The following PLEKHA7 variants were observed in gnomAD, a reference collection of about 807,000 sequenced individuals.
PLEKHA7 encodes pleckstrin homology domain-containing family A member 7.
In PLEKHA7, 104 loss-of-function variants were observed where a neutral mutation model predicts 170.0. That is an observed-to-expected ratio of 0.61 (90% CI 0.52 to 0.72). PLEKHA7 has a LOEUF of 0.72. PLEKHA7 is among the 30% of genes least tolerant of loss of function. The probability of loss-of-function intolerance (pLI) is 0.00; values close to 1 mark genes in which losing one functional copy is unlikely to be tolerated. For synonymous variants in PLEKHA7, 648 were observed against 660.8 expected (o/e 0.98, Z 0.30); for missense variants, 1,615 against 1,671.7 (o/e 0.97, Z 0.59).
intron 3 of PLEKHA7, among the ~76,000 whole-genome samples, chr11:16,935,515 G>A (rs1444330141): frequency 6.6e-6 from 1 of 152,210 alleles, no homozygotes; most frequent in East Asian, 1.9e-4. Flanking sequence ...CCTTTTAAAG[G>A]TAGAAACATG....
At chr11:16,813,201 T>C (rs768479058) in intron 12 of PLEKHA7, 35 bp from the exon 13 acceptor site, 1 of 1,585,768 alleles carries the variant, frequency 6.3e-7, no homozygotes, top group Non-Finnish European at 8.7e-7. Context: ...AACACAGTTA[T>C]GAACACCAAG....
chr11:16,879,288 T>C (rs7102357), intron 3 of PLEKHA7, among the ~76,000 whole-genome samples: 7,873 of 152,232 alleles, frequency 0.052, 657 homozygotes, highest in African/African-American at 0.18. Flanking sequence ...ACTTATCTCC[T>C]ACAGCAAAGA....
At chr11:16,795,851 CT>C (rs1179377641) in intron 17 of PLEKHA7, among the ~76,000 whole-genome samples, 2,399 of 92,944 alleles carry the variant, frequency 0.026, 7 homozygotes, top group African/African-American at 0.047. Context: ...CAGTTTTTTC[CT>C]TTTTTTTTTT....
intron 4 of PLEKHA7, among the ~76,000 whole-genome samples, chr11:16,864,500 G>A (rs1854226129): frequency 6.6e-6 from 1 of 152,130 alleles, no homozygotes; most frequent in South Asian, 2.1e-4. Flanking sequence ...ATACAGTTTG[G>A]CTGTGTTCCC....
At chr11:16,998,654 G>A (rs918743935) in intron 3 of PLEKHA7, among the ~76,000 whole-genome samples, 9 of 150,628 alleles carry the variant, frequency 6.0e-5, no homozygotes, top group Admixed American at 3.3e-4. Flanking sequence ...AGCAAAAACC[G>A]ACTGAGCTCT....
Position 16,816,847 on chromosome 11 carries a change from T to C in PLEKHA7, c.1819A>G (p.Ile607Val), listed in dbSNP as rs111370157. Residue 607 changes from isoleucine to valine, a missense_variant, in exon 11 of 27, where the codon ATC (isoleucine) becomes GTC (valine). Coordinates refer to ENST00000531066, the MANE Select transcript of PLEKHA7 (RefSeq NM_001329630.2). Reference protein sequence around the residue: ...KPPDQRRSVDISLGDSPRRAR... With the variant: ...KPPDQRRSVDVSLGDSPRRAR... ...CTCCTTGGAGAATCCCCCAGCGAGA[T>C]GTCCACACTCCTCCTCTGGTCCGGT... The C allele has an allele frequency of 8.1e-6, 13 of 1,614,044 alleles. No homozygotes were observed. The African/African-American group carries it at 1.2e-4, about 15-fold the overall frequency.
At chr11:16,848,229 A>G (rs766231251) in intron 8 of PLEKHA7, among the ~76,000 whole-genome samples, 8 of 152,230 alleles carry the variant, frequency 5.3e-5, no homozygotes, top group African/African-American at 7.2e-5. Context: ...CAAACTTGAG[A>G]ATATAAGCCC....
chr11:16,803,578 T>C (rs7926879), intron 13 of PLEKHA7: 16 of 392,824 alleles, frequency 4.1e-5, no homozygotes, highest in African/African-American at 2.9e-4. Context: ...TTTAAAAGTA[T>C]ATATTTGCCT....
At chr11:16,925,565 G>T (rs888822502) in intron 3 of PLEKHA7, among the ~76,000 whole-genome samples, 3 of 152,156 alleles carry the variant, frequency 2.0e-5, no homozygotes, top group African/African-American at 7.2e-5. Flanking sequence ...GACCCCCAGC[G>T]TGGCGGGGCA....
At chr11:16,808,088 T>C (rs960822474) in intron 13 of PLEKHA7, among the ~76,000 whole-genome samples, 1 of 152,238 alleles carries the variant, frequency 6.6e-6, no homozygotes, top group Admixed American at 6.5e-5. Flanking sequence ...TTCTAATGAA[T>C]TCCCAGATAC....
chr11:16,941,410 C>T lies in PLEKHA7; in HGVS notation c.222-70228G>A, dbSNP rs563628560. On this transcript the variant is annotated intron_variant, in intron 3 of 26. Transcript: ENST00000531066. The stretch of plus-strand genomic sequence containing the variant: ...CTGAAAAGGAAGATGGTTTCCAAGG[C>T]ACTCATGAACAACTTAGCTCATAGA... Among the ~76,000 whole-genome samples the T allele has an allele frequency of 4.6e-5, 7 of 152,250 alleles. 1 individual carries two copies. The Middle Eastern group carries it at 0.02, about 444-fold the overall frequency.
rs148816866 is a variant in PLEKHA7 at position 16,796,327 on chromosome 11, G to A, written c.2410-1309C>T. ...TACAGTAGTGAATGGAATATTAGTTGGCAATAAAAAGGAATGAAGTGCTGA... is the reference window on the plus strand; with the variant it reads ...TACAGTAGTGAATGGAATATTAGTTAGCAATAAAAAGGAATGAAGTGCTGA... On this transcript the variant is annotated intron_variant, in intron 17 of 26. Coordinates refer to ENST00000531066, the MANE Select transcript of PLEKHA7 (RefSeq NM_001329630.2). 4.7e-3 allele frequency among the ~76,000 whole-genome samples: 712 copies of A among 152,266 alleles called. 9 individuals carry two copies. Among genetic ancestry groups the A allele is most frequent in the African/African-American group, 0.015 (617 of 41,536 alleles).
rs140685099 is a variant in PLEKHA7, at chr11:16,891,975, A to C, written c.222-20793T>G. On this transcript the variant is annotated intron_variant, in intron 3 of 26. Coordinates refer to ENST00000531066, the MANE Select transcript of PLEKHA7 (RefSeq NM_001329630.2). ...TGATTGAACTAGGATCAGTGGGTGG[A>C]GTCACTGGGAGGCATATTTTTCAAG... Among the ~76,000 whole-genome samples the C allele has an allele frequency of 9.3e-4, 141 of 152,344 alleles. 1 individual carries two copies. Among genetic ancestry groups the C allele is most frequent in the Middle Eastern group, 3.4e-3 (1 of 294 alleles).
At chr11:16,949,862 T>TGGAGG (rs1437572873) in intron 3 of PLEKHA7, among the ~76,000 whole-genome samples, 1 of 150,798 alleles carries the variant, frequency 6.6e-6, no homozygotes, top group Non-Finnish European at 1.5e-5. Context: ...GACAAACAGA[T>TGGAGG]GGAGGGGAGG....
At chr11:16,807,167 G>C in intron 13 of PLEKHA7, 2 of 985,504 alleles carry the variant, frequency 2.0e-6, no homozygotes, top group Non-Finnish European at 2.4e-6. Context: ...CGACAGCCCC[G>C]TGCTGACTTC....
chr11:16,887,309 C>CTCTCCCCACGG, intron 3 of PLEKHA7, among the ~76,000 whole-genome samples: 1 of 146,138 alleles, frequency 6.8e-6, no homozygotes, highest in African/African-American at 2.6e-5. Context: ...CAACCTCTCC[C>CTCTCCCCACGG]TCTCCCTCTC....
intron 3 of PLEKHA7, among the ~76,000 whole-genome samples, chr11:16,893,433 C>T (rs1405068345): frequency 3.3e-5 from 5 of 152,174 alleles, no homozygotes; most frequent in Non-Finnish European, 2.9e-5. Context: ...ATGATGAACA[C>T]AGGGAGCTCT....
At chr11:16,826,871 T>C (rs1045516903) in intron 9 of PLEKHA7, among the ~76,000 whole-genome samples, 11 of 152,212 alleles carry the variant, frequency 7.2e-5, no homozygotes, top group Non-Finnish European at 1.5e-4. Context: ...CATAACTTTG[T>C]TTACTCATCT....
At chr11:16,833,456 C>T (rs1453958825) in intron 9 of PLEKHA7, among the ~76,000 whole-genome samples, 1 of 152,198 alleles carries the variant, frequency 6.6e-6, no homozygotes, top group African/African-American at 2.4e-5. Flanking sequence ...TTTCTTCTAC[C>T]TGGGTAAGCC....
Sources: gnomAD v4.1 joint callset for allele counts (sites outside exome capture counted in the v4.1 genomes callset) on GRCh38, gnomAD v4.1.1 for gene constraint, MANE v1.5 for transcripts, NCBI Gene and HGNC (gene_info 2026-07-23, HGNC 2026-07-21) for gene names.